Variants in KIAA1217 observed in about 807,000 individuals in gnomAD.
The protein encoded by KIAA1217 is sickle tail protein homolog.
A neutral mutation model predicts 163.9 loss-of-function variants in KIAA1217; 88 were observed. The observed-to-expected ratio is 0.54, with a 90% CI of 0.45 to 0.64. The LOEUF is 0.64. KIAA1217 is among the 30% of genes least tolerant of loss of function. KIAA1217 has a pLI of 0.00. For synonymous variants in KIAA1217, 903 were observed against 923.1 expected (o/e 0.98, Z 0.39); for missense variants, 2,372 against 2,475.0 (o/e 0.96, Z 0.88).
At chr10:23,775,605 C>T (rs1202185784) in intron 1 of KIAA1217, among the ~76,000 whole-genome samples, 1 of 152,136 alleles carries the variant, frequency 6.6e-6, no homozygotes, top group East Asian at 1.9e-4. Flanking sequence ...AAATCTCATA[C>T]AAAATTAATG....
intron 5 of KIAA1217, among the ~76,000 whole-genome samples, chr10:24,462,805 A>G (rs1001650043): frequency 2.6e-5 from 4 of 152,222 alleles, no homozygotes; most frequent in African/African-American, 9.6e-5. Context: ...AGTATATCCT[A>G]TATGGCAACA....
At chr10:23,844,707 CT>C (rs535840734) in intron 1 of KIAA1217, among the ~76,000 whole-genome samples, 94 of 143,908 alleles carry the variant, frequency 6.5e-4, no homozygotes, top group East Asian at 1.6e-3. Context: ...CTTTTCTTTT[CT>C]TTTTTTTTTT....
chr10:23,711,789 G>A (rs905729617), intron 1 of KIAA1217, among the ~76,000 whole-genome samples: 1 of 152,184 alleles, frequency 6.6e-6, no homozygotes, highest in African/African-American at 2.4e-5. Flanking sequence ...GGGAAGACGA[G>A]TGAGAGAAAC....
In KIAA1217 at chr10:23,831,144, C is replaced by G. The variant is rs12266683; in HGVS notation, c.-321+135910C>G. Among the ~76,000 whole-genome samples, 1,074 of 152,006 alleles carry G rather than the reference C, an allele frequency of 7.1e-3. 19 individuals carry two copies. Among genetic ancestry groups the G allele is most frequent in the African/African-American group, 0.025 (1,030 of 41,476 alleles). On this transcript the variant is annotated intron_variant, in intron 1 of 18. Transcript: ENST00000376462. Reference sequence around the variant, plus strand: ...TTAGACCCTTATCTCGTGCTACACACAAAAATCAACTCAAAATGAATTAAA... The same window carrying G: ...TTAGACCCTTATCTCGTGCTACACAGAAAAATCAACTCAAAATGAATTAAA...
intron 1 of KIAA1217, among the ~76,000 whole-genome samples, chr10:23,960,874 G>A (rs1844790794): frequency 6.6e-6 from 1 of 152,116 alleles, no homozygotes; most frequent in South Asian, 2.1e-4. Flanking sequence ...CTGTATCTAA[G>A]GACAGATAGT....
chr10:23,985,042 T>C (rs1370653007), intron 1 of KIAA1217, among the ~76,000 whole-genome samples: 1 of 152,124 alleles, frequency 6.6e-6, no homozygotes, highest in Non-Finnish European at 1.5e-5. Context: ...AAAGAAGTCC[T>C]TTGAGCTGAA....
At chr10:24,325,488 T>C (rs1054131986) in intron 2 of KIAA1217, among the ~76,000 whole-genome samples, 1 of 151,914 alleles carries the variant, frequency 6.6e-6, no homozygotes, top group Non-Finnish European at 1.5e-5. Context: ...ACAGATGAGG[T>C]CCAGAGAGAG....
intron 1 of KIAA1217, among the ~76,000 whole-genome samples, chr10:23,704,166 G>GTATATATA (rs1174988449): frequency 2.4e-4 from 17 of 71,358 alleles, no homozygotes; most frequent in African/African-American, 1.3e-3. Context: ...GTGTGTGTGT[G>GTATATATA]TGTGTGTATA....
At position 24,513,397 on chromosome 10, in the gene KIAA1217, T is replaced by C. The variant is rs1401512608; in HGVS notation, c.2140T>C (p.Tyr714His). The change falls in exon 10 of 21, where the codon TAT becomes CAT. Residue 714 changes from tyrosine to histidine, a missense_variant. Around this residue, in one of 3 missense-constraint regions of KIAA1217, gnomAD observed 1,431 missense variants for 1,470.3 expected, o/e 0.97. Coordinates refer to ENST00000376454, the MANE Select transcript of KIAA1217 (RefSeq NM_019590.5). The part of the protein sequence containing the change: ...RVLVEQERQK[Y>H]LHEEEKIVKK... The stretch of plus-strand genomic sequence containing the variant: ...CCTAGTGGAGCAAGAGAGACAAAAA[T>C]ATCTTCATGAGGAAGAGAAGATCGT... The C allele has an allele frequency of 6.2e-7, 1 of 1,613,992 alleles. No homozygotes were observed. Among genetic ancestry groups the C allele is most frequent in the Non-Finnish European group, 8.5e-7 (1 of 1,180,016 alleles).
chr10:24,358,775 T>C (rs10828637), intron 2 of KIAA1217, among the ~76,000 whole-genome samples: 60,029 of 152,150 alleles, frequency 0.39, 12,843 homozygotes, highest in Middle Eastern at 0.49. Context: ...ATTTTTTGCA[T>C]TGCAATGGCA....
At chr10:24,204,387 A>G (rs1300085178), upstream of KIAA1217, among the ~76,000 whole-genome samples, 1 of 152,230 alleles carries the variant, frequency 6.6e-6, no homozygotes, top group East Asian at 1.9e-4. Context: ...GTATTATACT[A>G]TGGAATCTGC....
intron 1 of KIAA1217, among the ~76,000 whole-genome samples, chr10:23,814,443 G>A (rs1447841185): frequency 6.6e-6 from 1 of 152,178 alleles, no homozygotes; most frequent in East Asian, 1.9e-4. Context: ...ACAGCTAAGA[G>A]CATGCTAGCT....
At position 24,473,369 on chromosome 10, in the gene KIAA1217, A is replaced by G. The variant is rs746584212; in HGVS notation, c.988A>G (p.Ile330Val). 4 of 1,609,302 alleles carry G rather than the reference A, an allele frequency of 2.5e-6. No individual in the cohort carries two copies. Among genetic ancestry groups the G allele is most frequent in the Non-Finnish European group, 3.4e-6 (4 of 1,177,192 alleles). Residue 330 changes from isoleucine (I) to valine (V), a missense_variant, in exon 6 of 21, where the codon ATT becomes GTT. Transcript: ENST00000376454. Reference protein sequence around the residue: ...PHSMPPSPSRIPYGGTRSMVV... With the variant: ...PHSMPPSPSRVPYGGTRSMVV... ...TTCCATGCCCCCCTCCCCGTCCAGA[A>G]TTCCTTATGGGGGCACCCGCTCCAT...
At chr10:23,934,922 A>T (rs1843460165) in intron 1 of KIAA1217, among the ~76,000 whole-genome samples, 1 of 151,846 alleles carries the variant, frequency 6.6e-6, no homozygotes, top group Non-Finnish European at 1.5e-5. Flanking sequence ...TAGCCAAAGT[A>T]TATTTTTTTA....
chr10:24,502,616 G>A (rs1386885982), intron 9 of KIAA1217, among the ~76,000 whole-genome samples: 1 of 152,186 alleles, frequency 6.6e-6, no homozygotes, highest in African/African-American at 2.4e-5. Flanking sequence ...CTGGCTGGTA[G>A]GTTGGTCGTT....
chr10:24,217,544 G>C (rs1322897457), intron 1 of KIAA1217, among the ~76,000 whole-genome samples: 3 of 152,168 alleles, frequency 2.0e-5, no homozygotes, highest in Admixed American at 6.5e-5. Context: ...AGGAAAACCA[G>C]CCTGAGATGA....
At chr10:24,093,078 C>T (rs569068851) in intron 2 of KIAA1217, among the ~76,000 whole-genome samples, 100 of 151,694 alleles carry the variant, frequency 6.6e-4, no homozygotes, top group African/African-American at 2.2e-3. Flanking sequence ...ACTGCAGCTT[C>T]GACTTCCCAG....
At chr10:24,225,271 C>T (rs577840778) in intron 2 of KIAA1217, among the ~76,000 whole-genome samples, 41 of 152,234 alleles carry the variant, frequency 2.7e-4, no homozygotes, top group African/African-American at 9.4e-4. Context: ...TACAGGCACA[C>T]GTCACCACTT....
At chr10:24,382,224 G>T (rs2130486298) in intron 3 of KIAA1217, among the ~76,000 whole-genome samples, 1 of 152,148 alleles carries the variant, frequency 6.6e-6, no homozygotes, top group East Asian at 1.9e-4. Flanking sequence ...GATAAGAGGG[G>T]ACAGGAAAAG....
Sources: allele counts gnomAD v4.1 joint callset (sites outside exome capture counted in the v4.1 genomes callset), GRCh38; gene constraint gnomAD v4.1.1; regional missense constraint gnomAD v4.1.1; transcripts MANE v1.5; gene names NCBI Gene and HGNC (gene_info 2026-07-23, HGNC 2026-07-21).